THSD7B: variants seen among roughly 807,000 people sequenced by gnomAD.
THSD7B encodes thrombospondin type-1 domain-containing protein 7B.
In THSD7B, 138 loss-of-function variants were observed where a neutral mutation model predicts 213.6. That is an observed-to-expected ratio of 0.65 (90% confidence interval 0.56 to 0.74). The LOEUF (loss-of-function observed/expected upper bound fraction) is 0.74, where lower values mean the gene tolerates loss of function less well. THSD7B is among the 30% of genes least tolerant of loss of function. The pLI is 0.00. For synonymous variants in THSD7B, 742 were observed against 687.0 expected, an observed-to-expected ratio of 1.08 and a Z score of -1.25; for missense variants, 1,931 against 1,991.5, an observed-to-expected ratio of 0.97 and a Z score of 0.58.
intron 5 of THSD7B, 24 bp from the exon 6 acceptor site, chr2:137,160,189 G>T: frequency 6.2e-7 from 1 of 1,603,514 alleles, no homozygotes; most frequent in Non-Finnish European, 8.5e-7. Flanking sequence ...ATGTGACATG[G>T]TCCGTTATCT....
chr2:136,989,050 A>T (rs1014097137), intron 2 of THSD7B, among the ~76,000 whole-genome samples: 2 of 152,216 alleles, frequency 1.3e-5, no homozygotes, highest in Non-Finnish European at 2.9e-5. Context: ...TGATGGGGTT[A>T]ATATAAATGG....
At chr2:136,890,251 G>T (rs767042828) in intron 2 of THSD7B, among the ~76,000 whole-genome samples, 1 of 151,334 alleles carries the variant, frequency 6.6e-6, no homozygotes, top group Admixed American at 6.6e-5. Flanking sequence ...CTAGATGTTT[G>T]TAGGATATTT....
chr2:137,242,834 G>A lies in THSD7B; in HGVS notation c.2266+262G>A, dbSNP rs138115939. 8.6e-3 allele frequency among the ~76,000 whole-genome samples: 1,311 copies of A among 152,168 alleles called. 20 individuals carry two copies. Among genetic ancestry groups the A allele is most frequent in the African/African-American group, 0.03 (1,227 of 41,514 alleles). On this transcript the variant is annotated intron_variant, in intron 10 of 27. Transcript: ENST00000409968. Reference sequence around the variant, plus strand: ...GGAGTATTCATCTTCTACTGACCCCGTTGTGGCATTTTGAACAGTCATTCC... The same window carrying A: ...GGAGTATTCATCTTCTACTGACCCCATTGTGGCATTTTGAACAGTCATTCC...
chr2:137,013,738 C>A (rs936716612), intron 2 of THSD7B, among the ~76,000 whole-genome samples: 4 of 152,088 alleles, frequency 2.6e-5, no homozygotes, highest in Non-Finnish European at 4.4e-5. Context: ...CTCTGCCCTG[C>A]TTCAAGGAGG....
intron 17 of THSD7B, among the ~76,000 whole-genome samples, chr2:137,615,414 G>A (rs1178803705): frequency 6.6e-6 from 1 of 152,218 alleles, no homozygotes; most frequent in Non-Finnish European, 1.5e-5. Flanking sequence ...ACAGTGGAAA[G>A]AAGATTGTTC....
intron 2 of THSD7B, among the ~76,000 whole-genome samples, chr2:136,951,931 G>A (rs1439557527): frequency 1.3e-5 from 2 of 152,096 alleles, no homozygotes; most frequent in African/African-American, 4.8e-5. Context: ...GTGCAGTGGT[G>A]CAATCTCAGC....
intron 14 of THSD7B, among the ~76,000 whole-genome samples, chr2:137,441,176 G>GT (rs1558798136): frequency 6.6e-6 from 1 of 152,000 alleles, no homozygotes; most frequent in African/African-American, 2.4e-5. Context: ...TTTAGCCTAA[G>GT]GGCAAAGCAT....
chr2:137,459,907 T>C (rs1033166782), intron 15 of THSD7B, among the ~76,000 whole-genome samples: 1 of 152,114 alleles, frequency 6.6e-6, no homozygotes, highest in Non-Finnish European at 1.5e-5. Flanking sequence ...ATGGTTTATT[T>C]TTGCTGGTTC....
rs192129934 is a variant in THSD7B, at chr2:137,420,417, C to T, written c.2959+8545C>T. On this transcript the variant is annotated intron_variant, in intron 14 of 27. Transcript: ENST00000409968. ...AGAAATGTCACCCTTTTTGAAAAACCACAGACAGTCTTGCCCGGCAGCCCT... is the reference window on the plus strand; with the variant it reads ...AGAAATGTCACCCTTTTTGAAAAACTACAGACAGTCTTGCCCGGCAGCCCT... Among the ~76,000 whole-genome samples the T allele has an allele frequency of 2.0e-4, 30 of 152,158 alleles. No individual in the cohort carries two copies. The East Asian group carries it at 5.6e-3, about 28-fold the overall frequency.
chr2:137,538,590 A>T, intron 15 of THSD7B: 6 of 481,366 alleles, frequency 1.2e-5, no homozygotes, highest in Non-Finnish European at 2.4e-5. Flanking sequence ...TTCTCTTTGT[A>T]AATTCTGATC....
chr2:137,502,451 C>T (rs1366300508), intron 15 of THSD7B, among the ~76,000 whole-genome samples: 1 of 152,066 alleles, frequency 6.6e-6, no homozygotes, highest in African/African-American at 2.4e-5. Context: ...AGAGACAAAT[C>T]TTACATTTGA....
At chr2:137,501,679 T>C (rs1679709572) in intron 15 of THSD7B, among the ~76,000 whole-genome samples, 1 of 152,156 alleles carries the variant, frequency 6.6e-6, no homozygotes, top group Non-Finnish European at 1.5e-5. Flanking sequence ...ACCAATATGA[T>C]TGTACTTATA....
chr2:137,377,984 G>A (rs1209129457), intron 12 of THSD7B, among the ~76,000 whole-genome samples: 1 of 152,192 alleles, frequency 6.6e-6, no homozygotes, highest in South Asian at 2.1e-4. Context: ...AGAGTTGTAC[G>A]ACCATCACAT....
At chr2:137,359,297 A>G (rs1337114936) in intron 12 of THSD7B, among the ~76,000 whole-genome samples, 1 of 152,248 alleles carries the variant, frequency 6.6e-6, no homozygotes, top group Non-Finnish European at 1.5e-5. Context: ...AGAGTGGGCC[A>G]GGACTTTGAT....
chr2:137,395,318 T>C (rs1448564858), intron 12 of THSD7B, among the ~76,000 whole-genome samples: 1 of 150,022 alleles, frequency 6.7e-6, no homozygotes, highest in Non-Finnish European at 1.5e-5. Context: ...ATAGCTCTTA[T>C]TATTTTGAAA....
intron 1 of THSD7B, among the ~76,000 whole-genome samples, chr2:136,784,400 G>A (rs1218158431): frequency 2.6e-5 from 4 of 151,920 alleles, no homozygotes; most frequent in African/African-American, 9.7e-5. Flanking sequence ...AAATGGCTAG[G>A]CACAGATTTT....
chr2:136,930,557 G>A (rs1684610264), intron 2 of THSD7B, among the ~76,000 whole-genome samples: 1 of 152,232 alleles, frequency 6.6e-6, no homozygotes, highest in South Asian at 2.1e-4. Flanking sequence ...GTGCTGGGAA[G>A]ATGAATCTGA....
At chr2:136,934,160 GT>G (rs1425404124) in intron 2 of THSD7B, among the ~76,000 whole-genome samples, 1 of 152,166 alleles carries the variant, frequency 6.6e-6, no homozygotes, top group Non-Finnish European at 1.5e-5. Flanking sequence ...CTCCTCTTGA[GT>G]TTTTTTCCAG....
At chr2:136,978,390 G>A (rs1327375066) in intron 2 of THSD7B, among the ~76,000 whole-genome samples, 4 of 152,262 alleles carry the variant, frequency 2.6e-5, no homozygotes, top group Admixed American at 2.0e-4. Context: ...ACAGTAGGGT[G>A]TTTAAATCTC....
Sources: allele counts gnomAD v4.1 joint callset (sites outside exome capture counted in the v4.1 genomes callset), GRCh38; gene constraint gnomAD v4.1.1; transcripts MANE v1.5; gene names NCBI Gene and HGNC (gene_info 2026-07-23, HGNC 2026-07-21).